The following PLXDC2 variants were observed in gnomAD, a reference collection of about 807,000 sequenced individuals.
PLXDC2 encodes the protein plexin domain containing 2, also known as plexin domain-containing protein 2.
PLXDC2 carries 40 observed loss-of-function variants against 68.9 expected under a neutral mutation model. The observed-to-expected ratio is 0.58, with a 90% confidence interval of 0.45 to 0.76. PLXDC2 has a LOEUF of 0.76. PLXDC2 is among the 30% of genes least tolerant of loss of function. The pLI, the probability that PLXDC2 is intolerant of heterozygous loss-of-function variation, is 0.00. For missense variants in PLXDC2, 644 were observed against 661.9 expected (o/e 0.97, Z 0.30); for synonymous variants, 243 against 234.2 (o/e 1.04, Z -0.34).
At chr10:19,841,903 A>G (rs930423063) in intron 1 of PLXDC2, among the ~76,000 whole-genome samples, 1 of 152,180 alleles carries the variant, frequency 6.6e-6, no homozygotes, top group Non-Finnish European at 1.5e-5. Context: ...AAGTAGTATT[A>G]TGTACATTAT....
At chr10:20,046,730 T>G (rs1835804961) in intron 2 of PLXDC2, 139 bp from the exon 3 acceptor site, 3 of 788,356 alleles carry the variant, frequency 3.8e-6, no homozygotes, top group Admixed American at 6.4e-5. Context: ...TTAATCCAAA[T>G]TCACTTCTCC....
intron 2 of PLXDC2, among the ~76,000 whole-genome samples, chr10:20,046,397 T>A (rs1260764815): frequency 6.6e-6 from 1 of 152,118 alleles, no homozygotes; most frequent in Non-Finnish European, 1.5e-5. Context: ...GCAAAACATT[T>A]AATCATTATT....
chr10:19,895,669 G>A (rs574864097), intron 1 of PLXDC2, among the ~76,000 whole-genome samples: 6 of 152,176 alleles, frequency 3.9e-5, no homozygotes, highest in Admixed American at 1.3e-4. Flanking sequence ...AGTGGCCACC[G>A]CCTTAGACAG....
intron 12 of PLXDC2, among the ~76,000 whole-genome samples, chr10:20,235,414 T>G (rs973613248): frequency 2.6e-5 from 4 of 152,310 alleles, no homozygotes; most frequent in African/African-American, 9.6e-5. Context: ...ATCAATAGAA[T>G]AGCAAGTAAT....
At chr10:20,154,597 G>T (rs1222713400) in intron 6 of PLXDC2, among the ~76,000 whole-genome samples, 1 of 151,840 alleles carries the variant, frequency 6.6e-6, no homozygotes. Context: ...AAAAATCCTG[G>T]AGATTTGAAA....
intron 4 of PLXDC2, among the ~76,000 whole-genome samples, chr10:20,069,231 T>C (rs1217872157): frequency 2.0e-5 from 3 of 152,110 alleles, no homozygotes; most frequent in Non-Finnish European, 2.9e-5. Context: ...ATCAGAAATA[T>C]CAACAAGTAA....
intron 1 of PLXDC2, among the ~76,000 whole-genome samples, chr10:19,863,497 C>T (rs1837355387): frequency 6.6e-6 from 1 of 152,156 alleles, no homozygotes; most frequent in Non-Finnish European, 1.5e-5. Flanking sequence ...ATACAGGGAG[C>T]ATCACTGCCC....
Position 19,820,565 on chromosome 10 carries a change from C to T in PLXDC2, c.112+3374C>T, listed in dbSNP as rs1441648888. ...AGGAGAATGGCGGGAACCCGGGAAG[C>T]GGAGCTTGCAGTGAGCCGAGATTGC... On this transcript the variant is annotated intron_variant, in intron 1 of 13. Transcript: ENST00000377252. 3.4e-5 allele frequency among the ~76,000 whole-genome samples: 5 copies of T among 149,110 alleles called. No homozygotes were observed. In the South Asian group the frequency reaches 1.1e-3, roughly 31 times the overall value.
At chr10:19,908,107 TA>T (rs1833200285) in intron 1 of PLXDC2, among the ~76,000 whole-genome samples, 1 of 152,196 alleles carries the variant, frequency 6.6e-6, no homozygotes, top group Admixed American at 6.5e-5. Flanking sequence ...TATATATATG[TA>T]AAAAAGATCT....
intron 4 of PLXDC2, among the ~76,000 whole-genome samples, chr10:20,114,781 C>T (rs1833601474): frequency 6.6e-6 from 1 of 152,142 alleles, no homozygotes; most frequent in East Asian, 1.9e-4. Context: ...ATCTGGAGCA[C>T]AGGATACATC....
intron 13 of PLXDC2, among the ~76,000 whole-genome samples, chr10:20,275,631 G>A (rs1443607022): frequency 1.3e-5 from 2 of 152,054 alleles, no homozygotes; most frequent in East Asian, 1.9e-4. Flanking sequence ...AGGAAGGAAG[G>A]GTCGGGCGCT....
At chr10:19,825,009 G>A (rs1836543866) in intron 1 of PLXDC2, among the ~76,000 whole-genome samples, 1 of 152,040 alleles carries the variant, frequency 6.6e-6, no homozygotes, top group African/African-American at 2.4e-5. Context: ...TTCTGTCAGA[G>A]GCCATCAAAC....
chr10:20,103,826 A>G (rs1245431653), intron 4 of PLXDC2, among the ~76,000 whole-genome samples: 1 of 152,114 alleles, frequency 6.6e-6, no homozygotes, highest in Non-Finnish European at 1.5e-5. Context: ...TATTTTTAGT[A>G]GAGACAGGGT....
chr10:20,106,681 T>C (rs1833495285), intron 4 of PLXDC2, among the ~76,000 whole-genome samples: 1 of 152,038 alleles, frequency 6.6e-6, no homozygotes, highest in Admixed American at 6.6e-5. Context: ...TGGCCAGAAC[T>C]CTCCTTCACC....
chr10:20,079,945 T>TA (rs1836521999), intron 4 of PLXDC2, among the ~76,000 whole-genome samples: 1 of 151,382 alleles, frequency 6.6e-6, no homozygotes, highest in African/African-American at 2.4e-5. Context: ...GAACTTAAAT[T>TA]AAAAAAAGAA....
chr10:19,882,641 G>A (rs371606459), intron 1 of PLXDC2, among the ~76,000 whole-genome samples: 18 of 152,142 alleles, frequency 1.2e-4, no homozygotes, highest in Admixed American at 3.3e-4. Context: ...GAAAGGTTTC[G>A]AGGGACAAAT....
intron 9 of PLXDC2, among the ~76,000 whole-genome samples, chr10:20,182,823 T>G (rs1302764399): frequency 1.3e-5 from 2 of 151,990 alleles, no homozygotes; most frequent in Non-Finnish European, 2.9e-5. Flanking sequence ...ATTACATATT[T>G]GTCCTACTGC....
At chr10:20,235,590 A>T (rs1437625621) in intron 12 of PLXDC2, among the ~76,000 whole-genome samples, 1 of 152,180 alleles carries the variant, frequency 6.6e-6, no homozygotes, top group Non-Finnish European at 1.5e-5. Context: ...GATTGAAAAG[A>T]TGCCGCTCCT....
intron 4 of PLXDC2, among the ~76,000 whole-genome samples, chr10:20,096,859 T>C (rs886161974): frequency 1.3e-5 from 2 of 152,134 alleles, no homozygotes; most frequent in African/African-American, 4.8e-5. Flanking sequence ...GAAATTATTA[T>C]AAGTATTGAG....
Sources: allele counts gnomAD v4.1 joint callset (sites outside exome capture counted in the v4.1 genomes callset), GRCh38; gene constraint gnomAD v4.1.1; transcripts MANE v1.5; gene names NCBI Gene and HGNC (gene_info 2026-07-23, HGNC 2026-07-21).